Variants in CNTNAP5 observed in about 807,000 individuals in gnomAD.
The protein encoded by CNTNAP5 is contactin-associated protein-like 5.
CNTNAP5 carries 72 observed loss-of-function variants against 150.2 expected under a neutral mutation model. The ratio of observed to expected loss-of-function variants is 0.48; its 90% CI spans 0.40 to 0.58. CNTNAP5 has a LOEUF of 0.58. Ranked by LOEUF, CNTNAP5 falls within the 20% of genes least tolerant of loss-of-function variation. The probability of loss-of-function intolerance (pLI) is 0.00; values close to 1 mark genes in which losing one functional copy is unlikely to be tolerated. For synonymous variants in CNTNAP5, 672 were observed against 619.8 expected, an observed-to-expected ratio of 1.08 and a Z score of -1.25; for missense variants, 1,636 against 1,626.2, an observed-to-expected ratio of 1.01 and a Z score of -0.10.
intron 16 of CNTNAP5, among the ~76,000 whole-genome samples, 157 bp from the exon 17 acceptor site, chr2:124,772,641 TA>T (rs552560889): frequency 4.3e-4 from 65 of 152,326 alleles, no homozygotes; most frequent in African/African-American, 1.3e-3. Context: ...TTTAATTTGG[TA>T]GCTGTTACTA....
At chr2:124,480,525 A>G (rs1412388607) in intron 7 of CNTNAP5, among the ~76,000 whole-genome samples, 1 of 152,146 alleles carries the variant, frequency 6.6e-6, no homozygotes, top group Non-Finnish European at 1.5e-5. Flanking sequence ...GTGCACACAT[A>G]TAACATACAC....
At chr2:124,083,077 G>A (rs1006840358) in intron 1 of CNTNAP5, among the ~76,000 whole-genome samples, 2 of 152,158 alleles carry the variant, frequency 1.3e-5, no homozygotes, top group Non-Finnish European at 2.9e-5. Context: ...CAGGCTGGGC[G>A]CAGTGGCTCA....
At chr2:124,830,777 A>T (rs1212895877) in intron 19 of CNTNAP5, among the ~76,000 whole-genome samples, 3 of 152,026 alleles carry the variant, frequency 2.0e-5, no homozygotes, top group Non-Finnish European at 4.4e-5. Context: ...GAACTGGAGA[A>T]AAAAAGTTAC....
intron 11 of CNTNAP5, among the ~76,000 whole-genome samples, chr2:124,563,587 G>A (rs1006081631): frequency 1.3e-5 from 2 of 152,150 alleles, no homozygotes; most frequent in South Asian, 2.1e-4. Context: ...AGTTTAAGGT[G>A]GAAGCAAAGG....
chr2:124,217,426 A>C (rs1686186434), intron 1 of CNTNAP5, among the ~76,000 whole-genome samples: 1 of 152,166 alleles, frequency 6.6e-6, no homozygotes, highest in Non-Finnish European at 1.5e-5. Context: ...AGGTTTGCTT[A>C]TTGAAGGCTG....
chr2:124,405,540 AT>A lies in CNTNAP5; in HGVS notation c.382-11895del, dbSNP rs1264018388. 1.1e-4 allele frequency among the ~76,000 whole-genome samples: 17 copies of A among 152,146 alleles called. 1 individual carries two copies. In the South Asian group the frequency reaches 1.5e-3, roughly 13 times the overall value. On this transcript the variant is annotated intron_variant, in intron 3 of 23. Coordinates refer to ENST00000682447, the MANE Select transcript of CNTNAP5 (RefSeq NM_001367498.1). ...TATAATCTAGTCTCAACTTCTGATA[AT>A]TTTTTTTACTTACGACCTCGGATCA...
chr2:124,656,300 C>T (rs1319692915), intron 13 of CNTNAP5, among the ~76,000 whole-genome samples: 1 of 152,164 alleles, frequency 6.6e-6, no homozygotes, highest in Non-Finnish European at 1.5e-5. Context: ...GTGTCTAAGT[C>T]AGTTATAATT....
chr2:124,865,501 G>A (rs1677612951), intron 20 of CNTNAP5, 65 bp downstream of exon 20: 3 of 1,465,588 alleles, frequency 2.0e-6, no homozygotes, highest in South Asian at 1.2e-5. Context: ...ACTTTTCTAA[G>A]CTTCTACCCC....
intron 1 of CNTNAP5, among the ~76,000 whole-genome samples, chr2:124,032,460 G>A (rs559117926): frequency 1.3e-5 from 2 of 152,202 alleles, no homozygotes; most frequent in South Asian, 4.1e-4. Context: ...GACTGGAATA[G>A]ACCAAGACTG....
At chr2:124,663,593 G>A (rs970982876) in intron 13 of CNTNAP5, among the ~76,000 whole-genome samples, 3 of 152,090 alleles carry the variant, frequency 2.0e-5, no homozygotes, top group Non-Finnish European at 4.4e-5. Context: ...TGGAGGTTGG[G>A]GGCTAGGGAG....
At chr2:124,787,940 A>G (rs1681633443) in intron 17 of CNTNAP5, among the ~76,000 whole-genome samples, 1 of 152,202 alleles carries the variant, frequency 6.6e-6, no homozygotes, top group Admixed American at 6.5e-5. Context: ...GAGAGATCCT[A>G]AGGGTACAGA....
In CNTNAP5 at chr2:124,783,949, A is replaced by G. The variant is rs1377259869; in HGVS notation, c.2753-5953A>G. Among the ~76,000 whole-genome samples, 3 of 152,176 alleles carry G rather than the reference A, an allele frequency of 2.0e-5. No homozygotes were observed. In the East Asian group the frequency reaches 5.8e-4, roughly 29 times the overall value. On this transcript the variant is annotated intron_variant, in intron 17 of 23. Coordinates refer to ENST00000682447, the MANE Select transcript of CNTNAP5 (RefSeq NM_001367498.1). ...ACAGTAGGATTTCCTCCTGGTACCAAGATTCTGCCAATTGGAGAACCAGGA... is the reference window on the plus strand; with the variant it reads ...ACAGTAGGATTTCCTCCTGGTACCAGGATTCTGCCAATTGGAGAACCAGGA...
chr2:124,054,005 A>G (rs578086064), intron 1 of CNTNAP5, among the ~76,000 whole-genome samples: 1 of 152,206 alleles, frequency 6.6e-6, no homozygotes, highest in Non-Finnish European at 1.5e-5. Context: ...AGAAAGAAAG[A>G]TGTCAACATG....
intron 1 of CNTNAP5, among the ~76,000 whole-genome samples, chr2:124,116,176 A>T (rs2104711031): frequency 6.6e-6 from 1 of 152,340 alleles, no homozygotes; most frequent in Admixed American, 6.5e-5. Flanking sequence ...CTTACAGCAG[A>T]AGGAAAATCC....
At chr2:124,787,574 A>G (rs867287307) in intron 17 of CNTNAP5, among the ~76,000 whole-genome samples, 1 of 152,198 alleles carries the variant, frequency 6.6e-6, no homozygotes, top group Admixed American at 6.5e-5. Flanking sequence ...TGTCATACAT[A>G]TATTTATGAG....
At chr2:124,253,031 A>C (rs1320226062) in intron 3 of CNTNAP5, among the ~76,000 whole-genome samples, 4 of 151,594 alleles carry the variant, frequency 2.6e-5, no homozygotes, top group Non-Finnish European at 4.4e-5. Context: ...ATATATATTT[A>C]TTTACATACT....
At chr2:124,604,856 G>C (rs968977216) in intron 11 of CNTNAP5, among the ~76,000 whole-genome samples, 8 of 152,098 alleles carry the variant, frequency 5.3e-5, no homozygotes, top group Admixed American at 2.6e-4. Context: ...CAATGACTTA[G>C]TGAAATAAAC....
At chr2:124,842,064 TA>T (rs1352446166) in intron 19 of CNTNAP5, among the ~76,000 whole-genome samples, 3 of 152,134 alleles carry the variant, frequency 2.0e-5, no homozygotes, top group Non-Finnish European at 4.4e-5. Flanking sequence ...AATTGGATCA[TA>T]AAAAGTGAAC....
At chr2:124,608,866 A>T (rs1573494172) in intron 11 of CNTNAP5, among the ~76,000 whole-genome samples, 1 of 151,586 alleles carries the variant, frequency 6.6e-6, no homozygotes, top group South Asian at 2.1e-4. Context: ...AATCTCTTGA[A>T]CCCGGGAGGC....
Sources: allele counts gnomAD v4.1 joint callset (sites outside exome capture counted in the v4.1 genomes callset), GRCh38; gene constraint gnomAD v4.1.1; transcripts MANE v1.5; gene names NCBI Gene and HGNC (gene_info 2026-07-23, HGNC 2026-07-21).